Variants in CDKAL1 observed in about 807,000 individuals in gnomAD.
The protein encoded by CDKAL1 is threonylcarbamoyladenosine tRNA methylthiotransferase.
A neutral mutation model predicts 68.2 loss-of-function variants in CDKAL1; 32 were observed. The ratio of observed to expected loss-of-function variants is 0.47; its 90% CI spans 0.35 to 0.63. The LOEUF (loss-of-function observed/expected upper bound fraction) is 0.63, where lower values mean the gene tolerates loss of function less well. CDKAL1 is among the 30% of genes least tolerant of loss of function. The pLI is 0.00. For synonymous variants in CDKAL1, 234 were observed against 244.3 expected, an observed-to-expected ratio of 0.96 and a Z score of 0.39; for missense variants, 606 against 696.7, an observed-to-expected ratio of 0.87 and a Z score of 1.47.
chr6:21,180,632 AT>A (rs933513416), intron 13 of CDKAL1, among the ~76,000 whole-genome samples: 21 of 149,590 alleles, frequency 1.4e-4, no homozygotes, highest in Admixed American at 4.0e-4. Context: ...TTCCAGATAC[AT>A]TTTTTTTTTA....
chr6:20,715,992 G>A (rs1339297175), intron 5 of CDKAL1, among the ~76,000 whole-genome samples: 2 of 152,120 alleles, frequency 1.3e-5, no homozygotes, highest in Non-Finnish European at 2.9e-5. Context: ...GTAAGAAGAC[G>A]AATGAGAAGG....
intron 5 of CDKAL1, among the ~76,000 whole-genome samples, chr6:20,652,059 G>A (rs1053377267): frequency 6.6e-6 from 1 of 152,114 alleles, no homozygotes; most frequent in African/African-American, 2.4e-5. Flanking sequence ...GATGATGCTG[G>A]CCTCATAAAA....
chr6:20,656,483 T>C (rs1472367020), intron 5 of CDKAL1, among the ~76,000 whole-genome samples: 1 of 142,770 alleles, frequency 7.0e-6, no homozygotes, highest in Non-Finnish European at 1.5e-5. Context: ...CAGAGAATGC[T>C]TTTTTTTTTT....
intron 9 of CDKAL1, among the ~76,000 whole-genome samples, chr6:20,848,655 G>T (rs1411127198): frequency 6.6e-6 from 1 of 152,128 alleles, no homozygotes; most frequent in African/African-American, 2.4e-5. Context: ...TGGAATGTTT[G>T]CAACATCAGG....
In CDKAL1 at chr6:20,613,436, G is replaced by A. The variant is rs551787157; in HGVS notation, c.287-35857G>A. The stretch of plus-strand genomic sequence containing the variant: ...ATTACAAGCATGTGCCACCATACCC[G>A]GCTGATTTTTGTATTTTTAGTAGAG... On this transcript the variant is annotated intron_variant, in intron 4 of 15. Transcript: ENST00000274695. Among the ~76,000 whole-genome samples the A allele has an allele frequency of 2.5e-4, 37 of 150,152 alleles. 1 individual carries two copies. The highest frequency in any genetic ancestry group is 8.3e-4 in the African/African-American group (34 of 41,198).
At chr6:21,225,616 T>C (rs1262212267) in intron 15 of CDKAL1, among the ~76,000 whole-genome samples, 1 of 152,146 alleles carries the variant, frequency 6.6e-6, no homozygotes, top group Non-Finnish European at 1.5e-5. Flanking sequence ...CTTTCCTTCT[T>C]CACAGAAAGG....
chr6:20,914,436 TC>T (rs1263213694), intron 9 of CDKAL1, among the ~76,000 whole-genome samples: 2 of 152,234 alleles, frequency 1.3e-5, no homozygotes, highest in South Asian at 2.1e-4. Flanking sequence ...GGTTTTTTTT[TC>T]ATGAGAATTT....
chr6:21,114,575 G>T (rs192897263), intron 13 of CDKAL1, among the ~76,000 whole-genome samples: 110 of 151,520 alleles, frequency 7.3e-4, no homozygotes, highest in African/African-American at 2.6e-3. Context: ...CTCTACAAAA[G>T]ATTTAAAAAT....
At chr6:20,669,941 A>G (rs879594803) in intron 5 of CDKAL1, among the ~76,000 whole-genome samples, 6 of 151,942 alleles carry the variant, frequency 3.9e-5, no homozygotes, top group Admixed American at 1.3e-4. Context: ...ACAAACACCT[A>G]TAACTATTTC....
chr6:21,185,557 A>G (rs1176543707), intron 13 of CDKAL1, among the ~76,000 whole-genome samples: 1 of 152,186 alleles, frequency 6.6e-6, no homozygotes, highest in Non-Finnish European at 1.5e-5. Context: ...TCACTTGTCT[A>G]CATCAAGGGG....
chr6:20,968,734 A>G lies in CDKAL1; in HGVS notation c.909+13149A>G, dbSNP rs1453653882. 2.6e-5 allele frequency among the ~76,000 whole-genome samples: 4 copies of G among 151,960 alleles called. 1 individual carries two copies. Among genetic ancestry groups the G allele is most frequent in the Non-Finnish European group, 4.4e-5 (3 of 67,986 alleles). ...TTTTAGTTCTTATACATTCTATATC[A>G]GAATTTCTATATGGTTCTTTTTTAT... On this transcript the variant is annotated intron_variant, in intron 10 of 15. Coordinates refer to ENST00000274695, the MANE Select transcript of CDKAL1 (RefSeq NM_017774.3).
rs191499279 is a variant in CDKAL1, at chr6:21,211,217, G to A, written c.1548+9943G>A. ...TTTTCTCACTGTGAAAGGAACCAAC[G>A]CAACGTGACAGAATGCACAGACTAA... On this transcript the variant is annotated intron_variant, in intron 15 of 15. Transcript: ENST00000274695. Among the ~76,000 whole-genome samples the A allele has an allele frequency of 1.1e-4, 17 of 152,326 alleles. 1 individual carries two copies. Among genetic ancestry groups the A allele is most frequent in the East Asian group, 3.9e-4 (2 of 5,188 alleles).
intron 4 of CDKAL1, among the ~76,000 whole-genome samples, chr6:20,604,533 A>G (rs985775167): frequency 6.6e-6 from 1 of 152,210 alleles, no homozygotes; most frequent in Non-Finnish European, 1.5e-5. Context: ...AGACTCACAT[A>G]AAACTTTATT....
At chr6:21,149,258 G>A (rs1426258803) in intron 13 of CDKAL1, among the ~76,000 whole-genome samples, 1 of 152,010 alleles carries the variant, frequency 6.6e-6, no homozygotes, top group Admixed American at 6.6e-5. Flanking sequence ...TCCTGCCTCA[G>A]CCTCCCAAGT....
At chr6:20,638,302 G>A (rs901499020) in intron 4 of CDKAL1, among the ~76,000 whole-genome samples, 11 of 152,140 alleles carry the variant, frequency 7.2e-5, no homozygotes, top group Admixed American at 5.9e-4. Context: ...GAATGAAGTT[G>A]AACATCTCTT....
chr6:20,984,521 C>T (rs1364065343), intron 10 of CDKAL1, among the ~76,000 whole-genome samples: 1 of 152,180 alleles, frequency 6.6e-6, no homozygotes, highest in Non-Finnish European at 1.5e-5. Flanking sequence ...GGTGCACACA[C>T]ACTCGTGGCA....
intron 11 of CDKAL1, among the ~76,000 whole-genome samples, chr6:21,058,942 C>T (rs938112288): frequency 2.0e-5 from 3 of 152,182 alleles, no homozygotes; most frequent in Admixed American, 6.5e-5. Context: ...CTTGGTGGAG[C>T]GGGTTTGCTG....
At chr6:20,616,333 T>A (rs2127727705) in intron 4 of CDKAL1, among the ~76,000 whole-genome samples, 1 of 149,086 alleles carries the variant, frequency 6.7e-6, no homozygotes, top group South Asian at 2.1e-4. Flanking sequence ...CACTGGTAGC[T>A]TGATGGGGAT....
intron 11 of CDKAL1, among the ~76,000 whole-genome samples, chr6:21,002,675 T>A (rs1767490854): frequency 1.3e-5 from 2 of 148,430 alleles, no homozygotes; most frequent in African/African-American, 2.5e-5. Flanking sequence ...AAAAAAAAAA[T>A]CAGATTATCA....
Sources: gnomAD v4.1 joint callset for allele counts (sites outside exome capture counted in the v4.1 genomes callset) on GRCh38, gnomAD v4.1.1 for gene constraint, MANE v1.5 for transcripts, NCBI Gene and HGNC (gene_info 2026-07-23, HGNC 2026-07-21) for gene names.